Variants in SORCS2 observed in about 807,000 individuals in gnomAD.
SORCS2 encodes sortilin related VPS10 domain containing receptor 2.
SORCS2 carries 100 observed loss-of-function variants against 141.6 expected under a neutral mutation model. The ratio of observed to expected loss-of-function variants is 0.71; its 90% CI spans 0.60 to 0.83. The LOEUF (loss-of-function observed/expected upper bound fraction) is 0.83, where lower values mean the gene tolerates loss of function less well. SORCS2 is among the 40% of genes least tolerant of loss of function. SORCS2 has a pLI of 0.00. For missense variants in SORCS2, 1,646 were observed against 1,560.2 expected, an observed-to-expected ratio of 1.05 and a Z score of -0.93; for synonymous variants, 789 against 676.9, an observed-to-expected ratio of 1.17 and a Z score of -2.57.
intron 12 of SORCS2, among the ~76,000 whole-genome samples, chr4:7,697,766 G>A (rs534320844): frequency 1.3e-5 from 2 of 151,928 alleles, no homozygotes; most frequent in South Asian, 4.2e-4. Context: ...AATATGGGGG[G>A]AGGAGCAGGT....
At chr4:7,638,702 G>A (rs920584370) in intron 4 of SORCS2, among the ~76,000 whole-genome samples, 2 of 152,204 alleles carry the variant, frequency 1.3e-5, no homozygotes, top group Admixed American at 1.3e-4. Flanking sequence ...TGGCTGTGCT[G>A]TGGGAGCTGA....
chr4:7,337,741 A>G (rs531760046), intron 1 of SORCS2, among the ~76,000 whole-genome samples: 9 of 152,310 alleles, frequency 5.9e-5, no homozygotes, highest in African/African-American at 2.2e-4. Context: ...CCCTTAGCCA[A>G]TGCGTGCAGT....
chr4:7,519,517 AACCCAGCCAGTGTCTGGAAGAG>A (rs1733190273), intron 2 of SORCS2, among the ~76,000 whole-genome samples: 1 of 152,226 alleles, frequency 6.6e-6, no homozygotes, highest in Admixed American at 6.5e-5. Context: ...TTAAAGAAGC[AACCCAGCCAGTGTCTGGAAGAG>A]ACCCAGCACG....
intron 3 of SORCS2, among the ~76,000 whole-genome samples, chr4:7,546,349 G>A (rs1713261073): frequency 6.6e-6 from 1 of 152,152 alleles, no homozygotes; most frequent in East Asian, 1.9e-4. Flanking sequence ...GGGCTTGCTA[G>A]TGGCAAAGCT....
intron 2 of SORCS2, among the ~76,000 whole-genome samples, chr4:7,514,241 C>G (rs191859410): frequency 6.6e-6 from 1 of 152,072 alleles, no homozygotes; most frequent in South Asian, 2.1e-4. Context: ...CGTACAGCAT[C>G]GAAGGAAGGA....
In SORCS2 at chr4:7,632,275, C is replaced by T. The variant is rs145003317; in HGVS notation, c.649-6053C>T. Among the ~76,000 whole-genome samples the T allele has an allele frequency of 3.2e-3, 488 of 152,210 alleles. 4 individuals are homozygous for T. Among genetic ancestry groups the T allele is most frequent in the African/African-American group, 0.011 (453 of 41,530 alleles). The stretch of plus-strand genomic sequence containing the variant: ...TTCTCTTTACCATGTTTTAGAATGT[C>T]GTCTCTAATTTCAAAAAACCAGCCT... On this transcript the variant is annotated intron_variant, in intron 3 of 26. Coordinates refer to ENST00000507866, the MANE Select transcript of SORCS2 (RefSeq NM_020777.3).
At chr4:7,491,990 G>A (rs983402985) in intron 2 of SORCS2, among the ~76,000 whole-genome samples, 1 of 152,202 alleles carries the variant, frequency 6.6e-6, no homozygotes, top group Non-Finnish European at 1.5e-5. Context: ...CCTCCTGGAG[G>A]CTGGGCAGGG....
At position 7,535,034 on chromosome 4, in the gene SORCS2, C is replaced by T. The variant is rs76895170; in HGVS notation, c.648+3405C>T. Reference sequence around the variant, plus strand: ...GAACTGGCCTCCCGTGGGCCCTCCTCCTCCTGCTGACACACCGATCCTGAT... The same window carrying T: ...GAACTGGCCTCCCGTGGGCCCTCCTTCTCCTGCTGACACACCGATCCTGAT... On this transcript the variant is annotated intron_variant, in intron 3 of 26. Transcript: ENST00000507866. Among the ~76,000 whole-genome samples, 1,002 of 152,312 alleles carry T rather than the reference C, an allele frequency of 6.6e-3. 8 individuals carry two copies. Among genetic ancestry groups the T allele is most frequent in the African/African-American group, 0.023 (960 of 41,564 alleles).
chr4:7,632,559 GT>G (rs1327898166), intron 3 of SORCS2, among the ~76,000 whole-genome samples: 1 of 152,182 alleles, frequency 6.6e-6, no homozygotes, highest in East Asian at 1.9e-4. Flanking sequence ...TGGGCCCCAG[GT>G]TGTAATCATT....
chr4:7,659,821 TCTC>T (rs1722035250), intron 5 of SORCS2, among the ~76,000 whole-genome samples: 3 of 152,102 alleles, frequency 2.0e-5, no homozygotes, highest in Admixed American at 2.0e-4. Context: ...CAGCTGTACT[TCTC>T]CCCCCCACCA....
At chr4:7,489,671 A>C (rs1053834826) in intron 2 of SORCS2, among the ~76,000 whole-genome samples, 1 of 152,180 alleles carries the variant, frequency 6.6e-6, no homozygotes, top group Non-Finnish European at 1.5e-5. Flanking sequence ...AAATCAATGC[A>C]TGTAATTTGT....
chr4:7,691,106 CTGAA>C (rs1724217220), intron 11 of SORCS2, among the ~76,000 whole-genome samples: 1 of 152,230 alleles, frequency 6.6e-6, no homozygotes, highest in Non-Finnish European at 1.5e-5. Flanking sequence ...TTCACACTTC[CTGAA>C]CCCAGGACCC....
intron 2 of SORCS2, among the ~76,000 whole-genome samples, chr4:7,497,875 GA>G (rs1731726281): frequency 6.6e-6 from 1 of 152,266 alleles, no homozygotes; most frequent in East Asian, 1.9e-4. Flanking sequence ...GAGCTTTGTG[GA>G]AAAGGCCAGA....
At chr4:7,549,499 A>G (rs2109625323) in intron 3 of SORCS2, among the ~76,000 whole-genome samples, 1 of 152,162 alleles carries the variant, frequency 6.6e-6, no homozygotes, top group African/African-American at 2.4e-5. Context: ...GGCACTGATA[A>G]TCCACCAGTC....
intron 1 of SORCS2, among the ~76,000 whole-genome samples, chr4:7,278,496 C>T (rs780954995): frequency 1.3e-5 from 2 of 152,210 alleles, no homozygotes; most frequent in Non-Finnish European, 2.9e-5. Context: ...TCTGCTTAGC[C>T]CTCCCTTTCC....
In SORCS2 at chr4:7,361,604, G is replaced by A. The variant is rs114072896; in HGVS notation, c.481-34684G>A. On this transcript the variant is annotated intron_variant, in intron 1 of 26. Coordinates refer to ENST00000507866, the MANE Select transcript of SORCS2 (RefSeq NM_020777.3). ...AGTCAGTGATGGTGAATAACACTCT[G>A]TTATAATGGGAAAAAAGAGAGTCTG... Among the ~76,000 whole-genome samples the A allele has an allele frequency of 6.6e-3, 1,009 of 152,198 alleles. 11 individuals carry two copies. Among genetic ancestry groups the A allele is most frequent in the African/African-American group, 0.024 (980 of 41,520 alleles).
chr4:7,374,176 T>C (rs1218105212), intron 1 of SORCS2, among the ~76,000 whole-genome samples: 2 of 140,100 alleles, frequency 1.4e-5, no homozygotes, highest in Non-Finnish European at 3.1e-5. Context: ...TCTTTCTTTC[T>C]TTCTTTCTTT....
chr4:7,506,188 C>A (rs1732268595), intron 2 of SORCS2, among the ~76,000 whole-genome samples: 2 of 152,128 alleles, frequency 1.3e-5, no homozygotes, highest in African/African-American at 4.8e-5. Context: ...TCCCAGTGAA[C>A]AGCGCGTGAG....
intron 1 of SORCS2, among the ~76,000 whole-genome samples, chr4:7,312,341 C>T (rs1000934089): frequency 6.6e-6 from 1 of 152,232 alleles, no homozygotes; most frequent in East Asian, 1.9e-4. Flanking sequence ...CTGAGAAGCT[C>T]CCACTCCGGT....
Sources: allele counts gnomAD v4.1 joint callset (sites outside exome capture counted in the v4.1 genomes callset), GRCh38; gene constraint gnomAD v4.1.1; transcripts MANE v1.5; gene names NCBI Gene and HGNC (gene_info 2026-07-23, HGNC 2026-07-21).